DOCK4: variants seen among roughly 807,000 people sequenced by gnomAD.
The protein encoded by DOCK4 is dedicator of cytokinesis 4.
In DOCK4, 97 loss-of-function variants were observed where a neutral mutation model predicts 268.1. The observed-to-expected ratio is 0.36, with a 90% confidence interval of 0.31 to 0.43. The LOEUF (loss-of-function observed/expected upper bound fraction) is 0.43. Among genes scored for constraint, DOCK4 ranks in the 20% least tolerant of loss-of-function variants. DOCK4 has a pLI of 1.00. For synonymous variants in DOCK4, 954 were observed against 887.2 expected, an observed-to-expected ratio of 1.08 and a Z score of -1.34; for missense variants, 2,145 against 2,455.7, an observed-to-expected ratio of 0.87 and a Z score of 2.67.
chr7:111,982,455 T>C (rs1798678278), intron 7 of DOCK4, among the ~76,000 whole-genome samples: 1 of 152,220 alleles, frequency 6.6e-6, no homozygotes, highest in South Asian at 2.1e-4. Context: ...AAGAAAGGAA[T>C]GAAAACTGAC....
intron 1 of DOCK4, among the ~76,000 whole-genome samples, chr7:112,168,412 T>G (rs564530677): frequency 6.6e-6 from 1 of 151,970 alleles, no homozygotes; most frequent in East Asian, 1.9e-4. Context: ...ATACAAAGAG[T>G]TCCTTTAAAA....
intron 36 of DOCK4, among the ~76,000 whole-genome samples, chr7:111,774,054 T>C (rs1010608976): frequency 1.3e-5 from 2 of 151,884 alleles, no homozygotes; most frequent in African/African-American, 4.8e-5. Flanking sequence ...AATATTACTG[T>C]CCTCAAGGGA....
chr7:112,188,989 C>G (rs748363721), intron 1 of DOCK4, among the ~76,000 whole-genome samples: 1 of 152,156 alleles, frequency 6.6e-6, no homozygotes, highest in Non-Finnish European at 1.5e-5. Flanking sequence ...CTGAGACATC[C>G]CAAAATCCAG....
At position 111,979,117 on chromosome 7, in the gene DOCK4, C is replaced by A. The variant is rs188286137; in HGVS notation, c.550-1834G>T. Among the ~76,000 whole-genome samples, 3 of 152,130 alleles carry A rather than the reference C, an allele frequency of 2.0e-5. 1 individual carries two copies. Among genetic ancestry groups the A allele is most frequent in the East Asian group, 3.8e-4 (2 of 5,196 alleles). ...TTACGCCTTTGAGTTGAAAAACTGC[C>A]GAATGACCAAATGAAGCCAAAATGT... On this transcript the variant is annotated intron_variant, in intron 7 of 52. Transcript: ENST00000428084.
At chr7:111,731,854 A>G (rs554822370) in intron 52 of DOCK4, among the ~76,000 whole-genome samples, 1 of 132,160 alleles carries the variant, frequency 7.6e-6, no homozygotes, top group South Asian at 2.3e-4. Flanking sequence ...ATGTTTCTCA[A>G]TCTAAGTGTG....
intron 5 of DOCK4, among the ~76,000 whole-genome samples, chr7:111,991,072 C>G (rs1586588052): frequency 6.6e-6 from 1 of 152,284 alleles, no homozygotes; most frequent in Middle Eastern, 3.4e-3. Flanking sequence ...AACTGATTGT[C>G]ACAGGGAGAA....
intron 52 of DOCK4, among the ~76,000 whole-genome samples, chr7:111,729,859 G>T (rs1024884696): frequency 1.3e-5 from 2 of 152,178 alleles, no homozygotes; most frequent in African/African-American, 2.4e-5. Context: ...GGCAGCCCTC[G>T]GGGCTGTAGC....
intron 1 of DOCK4, among the ~76,000 whole-genome samples, chr7:112,178,809 A>T (rs758040152): frequency 6.6e-6 from 1 of 152,176 alleles, no homozygotes; most frequent in Non-Finnish European, 1.5e-5. Context: ...TTCATCCTCT[A>T]TTCGGAACTA....
intron 27 of DOCK4, among the ~76,000 whole-genome samples, chr7:111,818,076 C>G (rs1801690495): frequency 6.6e-6 from 1 of 152,208 alleles, no homozygotes; most frequent in Non-Finnish European, 1.5e-5. Context: ...TGGTTCTCAT[C>G]TTACATCATA....
chr7:111,790,487 C>G lies in DOCK4; in HGVS notation c.3285G>C (p.Trp1095Cys), dbSNP rs1799453137. The G allele has an allele frequency of 1.2e-6, 2 of 1,613,798 alleles. No individual in the cohort carries two copies. Among genetic ancestry groups the G allele is most frequent in the African/African-American group, 2.7e-5 (2 of 74,906 alleles). ...TAAAGTTGCCACTCCGCCTCTGCTC[C>G]CAGTCCATCATATCATGAAAAATTG... ...MIPIFHDMMD[W>C]EQRRSGNFKQ... Residue 1095 changes from tryptophan (W) to cysteine (C), a missense_variant, in exon 31 of 53, where the codon TGG (tryptophan) becomes TGC (cysteine). Trp to Cys is a radical substitution (Grantham distance 215). Transcript: ENST00000428084.
At chr7:112,121,303 T>C (rs186050135) in intron 1 of DOCK4, among the ~76,000 whole-genome samples, 6 of 152,284 alleles carry the variant, frequency 3.9e-5, no homozygotes, top group Admixed American at 1.3e-4. Flanking sequence ...CTCCAAGAAG[T>C]CTTCTTCCTT....
At chr7:112,050,539 A>T (rs1805249863) in intron 1 of DOCK4, among the ~76,000 whole-genome samples, 1 of 152,152 alleles carries the variant, frequency 6.6e-6, no homozygotes, top group African/African-American at 2.4e-5. Context: ...AATCATTTAG[A>T]TAGAAAGATT....
intron 1 of DOCK4, among the ~76,000 whole-genome samples, chr7:112,056,285 GT>G (rs1162196830): frequency 2.0e-4 from 30 of 152,230 alleles, no homozygotes; most frequent in African/African-American, 6.3e-4. Flanking sequence ...ATAGAGTTAG[GT>G]CCACAAGAAG....
intron 16 of DOCK4, among the ~76,000 whole-genome samples, chr7:111,883,911 T>A (rs139817011): frequency 7.2e-4 from 107 of 148,622 alleles, no homozygotes; most frequent in African/African-American, 2.4e-3. Flanking sequence ...AAAAGTTATT[T>A]CAAGAGCTTT....
At chr7:111,881,038 C>T (rs1376003045) in intron 16 of DOCK4, among the ~76,000 whole-genome samples, 1 of 151,964 alleles carries the variant, frequency 6.6e-6, no homozygotes, top group Non-Finnish European at 1.5e-5. Flanking sequence ...CTTGAGCATC[C>T]CCACGAGCAG....
chr7:112,086,297 A>G (rs138599874), intron 1 of DOCK4, among the ~76,000 whole-genome samples: 231 of 152,226 alleles, frequency 1.5e-3, no homozygotes, highest in African/African-American at 5.1e-3. Flanking sequence ...CCATTTAAAT[A>G]TAGGGACCAT....
chr7:111,977,137 T>C lies in DOCK4; in HGVS notation c.696A>G (p.Pro232=). ...CTATCTCCACGTGCAGGTACCTGAT[T>C]GGCCGGTTCTCTTTACTGTCAAAGA... ...FSLFDSKENR[P]ISERFFLRLN... is the part of the protein sequence containing the mutation. The change falls in exon 8 of 53, where the codon CCA becomes CCG. Residue 232 remains proline, a synonymous_variant. Transcript: ENST00000428084. 2 of 1,613,224 alleles carry C rather than the reference T, an allele frequency of 1.2e-6. No homozygotes were observed. Among genetic ancestry groups the C allele is most frequent in the Non-Finnish European group, 1.7e-6 (2 of 1,179,620 alleles).
At chr7:111,987,181 T>C (rs1562964016) in intron 6 of DOCK4, among the ~76,000 whole-genome samples, 1 of 152,218 alleles carries the variant, frequency 6.6e-6, no homozygotes. Context: ...ATCAATGTTT[T>C]ACCAACTTAT....
chr7:112,041,200 A>G (rs1385161133), intron 1 of DOCK4, among the ~76,000 whole-genome samples: 4 of 152,186 alleles, frequency 2.6e-5, no homozygotes, highest in Non-Finnish European at 5.9e-5. Flanking sequence ...CAGAATGCCC[A>G]ATTATTATAA....
Sources: gnomAD v4.1 joint callset for allele counts (sites outside exome capture counted in the v4.1 genomes callset) on GRCh38, gnomAD v4.1.1 for gene constraint, MANE v1.5 for transcripts, NCBI Gene and HGNC (gene_info 2026-07-23, HGNC 2026-07-21) for gene names.